The following PCSK1 variants were observed in gnomAD, a reference collection of about 807,000 sequenced individuals.
PCSK1 encodes neuroendocrine convertase 1.
Under a neutral mutation model 90.6 loss-of-function variants are expected in PCSK1, and 56 were observed. That is an observed-to-expected ratio of 0.62 (90% CI 0.50 to 0.77). The LOEUF (loss-of-function observed/expected upper bound fraction) is 0.77, where lower values mean the gene tolerates loss of function less well. PCSK1 is among the 30% of genes least tolerant of loss of function. PCSK1 has a pLI of 0.00. For synonymous variants in PCSK1, 348 were observed against 342.4 expected (o/e 1.02, Z -0.18); for missense variants, 801 against 932.6 (o/e 0.86, Z 1.84).
At chr5:96,424,212 T>C (rs1487125034) in intron 3 of PCSK1, among the ~76,000 whole-genome samples, 1 of 152,060 alleles carries the variant, frequency 6.6e-6, no homozygotes, top group Admixed American at 6.5e-5. Flanking sequence ...ATAACCACAA[T>C]CAAAAGTGTC....
intron 10 of PCSK1, 51 bp downstream of exon 10, chr5:96,399,902 T>A (rs1362580785): frequency 7.9e-6 from 11 of 1,391,404 alleles, no homozygotes; most frequent in Non-Finnish European, 9.2e-6. Flanking sequence ...AACATAGTAA[T>A]GAAATTATGC....
intron 2 of PCSK1, among the ~76,000 whole-genome samples, chr5:96,427,136 T>G (rs888350554): frequency 6.6e-6 from 1 of 152,204 alleles, no homozygotes; most frequent in African/African-American, 2.4e-5. Flanking sequence ...GATAGACTGT[T>G]GCTGCATTTC....
chr5:96,396,977 C>T (rs1760174566), intron 12 of PCSK1, among the ~76,000 whole-genome samples: 1 of 152,166 alleles, frequency 6.6e-6, no homozygotes, highest in Admixed American at 6.5e-5. Context: ...GAATGTCACA[C>T]CAAAGTTGGT....
rs1167897576 is a variant in PCSK1, at chr5:96,412,464, T to C, written c.736A>G (p.Thr246Ala). 1 of 1,614,074 alleles carries C rather than the reference T, an allele frequency of 6.2e-7. No individual in the cohort carries two copies. Among genetic ancestry groups the C allele is most frequent in the Non-Finnish European group, 8.5e-7 (1 of 1,179,976 alleles). The change falls in exon 7 of 14, where the codon ACG (threonine) becomes GCG (alanine). Residue 246 changes from threonine (T) to alanine (A), a missense_variant. Thr to Ala is a moderately conservative substitution (Grantham distance 58). Coordinates refer to ENST00000311106, the MANE Select transcript of PCSK1 (RefSeq NM_000439.5). ...GGIRMLDGIVTDAIEASSIGF... is the reference protein window; with the variant it reads ...GGIRMLDGIVADAIEASSIGF... ...ATTGAACTGGCCTCAATAGCATCCG[T>C]CACAATGCCATCCAGCATTCTTATG...
At chr5:96,400,857 G>T (rs373259621) in intron 9 of PCSK1, among the ~76,000 whole-genome samples, 49,129 of 150,826 alleles carry the variant, frequency 0.33, 8,533 homozygotes, top group African/African-American at 0.48. Flanking sequence ...GGAGGCCGAG[G>T]CGGGCGGATC....
chr5:96,404,119 C>T (rs1760476347), intron 9 of PCSK1, among the ~76,000 whole-genome samples: 1 of 152,140 alleles, frequency 6.6e-6, no homozygotes, highest in South Asian at 2.1e-4. Flanking sequence ...TCCTTCTTCT[C>T]TTAGTATATT....
Position 96,392,127 on chromosome 5 carries a change from CTGCTGAAAAAAATTGTGACTAGGAATT to C in PCSK1, c.*847_*873del, listed in dbSNP as rs1404176907. 1.3e-5 allele frequency: 2 copies of C among 151,586 alleles called. No homozygotes were observed. Among genetic ancestry groups the C allele is most frequent in the South Asian group, 4.2e-4 (2 of 4,800 alleles). The allele number at this position is 151,586 out of a possible 1,614,324, so 9.4% of individuals were successfully genotyped here. ...CCATGTGATAAGTGGTTTCCTGTTACTGCTGAAAAAAATTGTGACTAGGAATTTGCCAAGTCCCAAGTGTAAGTTTTT... is the reference window on the plus strand; with the variant it reads ...CCATGTGATAAGTGGTTTCCTGTTACTGCCAAGTCCCAAGTGTAAGTTTTT... On this transcript the variant is annotated 3_prime_UTR_variant, in exon 14 of 14. Coordinates refer to ENST00000311106, the MANE Select transcript of PCSK1 (RefSeq NM_000439.5).
chr5:96,405,212 G>C (rs919266913), intron 9 of PCSK1, among the ~76,000 whole-genome samples: 4 of 152,134 alleles, frequency 2.6e-5, no homozygotes, highest in African/African-American at 9.7e-5. Context: ...CTGATGAATT[G>C]AGTCAAAATG....
At chr5:96,413,181 A>G (rs1760827974) in intron 6 of PCSK1, among the ~76,000 whole-genome samples, 2 of 152,194 alleles carry the variant, frequency 1.3e-5, no homozygotes, top group South Asian at 4.1e-4. Flanking sequence ...CTATTCTTCT[A>G]AATAATCTCA....
At chr5:96,402,061 C>G (rs1479492430) in intron 9 of PCSK1, among the ~76,000 whole-genome samples, 2 of 152,188 alleles carry the variant, frequency 1.3e-5, no homozygotes, top group Non-Finnish European at 2.9e-5. Context: ...TGTCTCAGCA[C>G]TCGGTTGGAG....
At position 96,391,360 on chromosome 5, in the gene PCSK1, G is replaced by A. The variant is rs563936239; in HGVS notation, c.*1641C>T. The A allele has an allele frequency of 2.0e-5, 3 of 152,262 alleles. No homozygotes were observed. Among genetic ancestry groups the A allele is most frequent in the South Asian group, 4.1e-4 (2 of 4,828 alleles). 9.4% of individuals were successfully genotyped at this position (152,262 alleles called of 1,614,324 possible). On this transcript the variant is annotated 3_prime_UTR_variant, in exon 14 of 14. Coordinates refer to ENST00000311106, the MANE Select transcript of PCSK1 (RefSeq NM_000439.5). ...TTACCTTATGAAGTTCAAACTTCAT[G>A]GAAAAATTGCAAACAGCAAACTCAG...
At chr5:96,430,496 A>G (rs1761457989) in intron 1 of PCSK1, among the ~76,000 whole-genome samples, 1 of 152,206 alleles carries the variant, frequency 6.6e-6, no homozygotes, top group Non-Finnish European at 1.5e-5. Flanking sequence ...CAGCAGCCGC[A>G]GAAAAAGATC....
At chr5:96,403,072 G>A (rs1760438843) in intron 9 of PCSK1, among the ~76,000 whole-genome samples, 1 of 152,290 alleles carries the variant, frequency 6.6e-6, no homozygotes, top group South Asian at 2.1e-4. Context: ...AGGAGGAAGC[G>A]TACTGAGGAG....
intron 7 of PCSK1, 111 bp from the exon 8 acceptor site, chr5:96,411,097 T>C (rs559011445): frequency 2.2e-5 from 18 of 828,754 alleles, no homozygotes; most frequent in Non-Finnish European, 3.8e-5. Flanking sequence ...AGACAGCTAT[T>C]TGGGATCTAT....
chr5:96,393,494 G>A, intron 13 of PCSK1, 116 bp from the exon 14 acceptor site: 2 of 1,232,946 alleles, frequency 1.6e-6, no homozygotes, highest in African/African-American at 1.5e-5. Context: ...AATGAGGGGA[G>A]GGGAGAGAGT....
Position 96,399,863 on chromosome 5 carries a change from TA to T in PCSK1, c.1430+89del. ...TCCACCTCCATCTACTTCAGAAGGG[TA>T]GATACAAAAAAATCAGGCAGAATGG... On this transcript the variant is annotated intron_variant, in intron 10 of 13. Transcript: ENST00000311106. 5.2e-6 allele frequency: 5 copies of T among 969,866 alleles called. No individual in the cohort carries two copies. The South Asian group carries it at 6.9e-5, about 13-fold the overall frequency. 60.1% of individuals were successfully genotyped at this position (969,866 alleles called of 1,614,324 possible). A position where few individuals can be genotyped will look rare whatever the true frequency, so the allele number is the denominator to read the frequency against.
At chr5:96,413,525 C>A (rs535238146) in intron 6 of PCSK1, among the ~76,000 whole-genome samples, 1 of 152,126 alleles carries the variant, frequency 6.6e-6, no homozygotes, top group East Asian at 1.9e-4. Context: ...TAGAGCCAGG[C>A]GCAGTGGCTC....
chr5:96,414,636 A>G (rs554111320), intron 6 of PCSK1, among the ~76,000 whole-genome samples: 3 of 152,330 alleles, frequency 2.0e-5, no homozygotes, highest in African/African-American at 7.2e-5. Flanking sequence ...CTTGTGTTTC[A>G]GTTCTACACT....
rs1448753883 is a variant in PCSK1 at position 96,391,355 on chromosome 5, T to G, written c.*1646A>C. On this transcript the variant is annotated 3_prime_UTR_variant, in exon 14 of 14. Coordinates refer to ENST00000311106, the MANE Select transcript of PCSK1 (RefSeq NM_000439.5). ...ATGAATTACCTTATGAAGTTCAAAC[T>G]TCATGGAAAAATTGCAAACAGCAAA... The G allele has an allele frequency of 6.6e-6, 1 of 152,256 alleles. No individual in the cohort carries two copies. Among genetic ancestry groups the G allele is most frequent in the African/African-American group, 2.4e-5 (1 of 41,552 alleles). The allele number at this position is 152,256 out of a possible 1,614,324, so 9.4% of individuals were successfully genotyped here. A position where few individuals can be genotyped will look rare whatever the true frequency, so the allele number is the denominator to read the frequency against.
Sources: allele counts gnomAD v4.1 joint callset (sites outside exome capture counted in the v4.1 genomes callset), GRCh38; gene constraint gnomAD v4.1.1; transcripts MANE v1.5; gene names NCBI Gene and HGNC (gene_info 2026-07-23, HGNC 2026-07-21).